NRXN3: variants seen among roughly 807,000 people sequenced by gnomAD.
NRXN3 encodes neurexin III.
In NRXN3, 32 loss-of-function variants were observed where a neutral mutation model predicts 137.6. The observed-to-expected ratio is 0.23, with a 90% CI of 0.18 to 0.31. The LOEUF (loss-of-function observed/expected upper bound fraction) is 0.31, where lower values mean the gene tolerates loss of function less well. Among genes scored for constraint, NRXN3 ranks in the 10% least tolerant of loss-of-function variants. The pLI is 1.00. For synonymous variants in NRXN3, 798 were observed against 784.5 expected, an observed-to-expected ratio of 1.02 and a Z score of -0.29; for missense variants, 1,574 against 2,062.5, an observed-to-expected ratio of 0.76 and a Z score of 4.59.
intron 4 of NRXN3, among the ~76,000 whole-genome samples, chr14:78,622,626 CTCTTAAAGTGTCT>C (rs1566912470): frequency 2.0e-5 from 3 of 151,926 alleles, no homozygotes; most frequent in Admixed American, 6.6e-5. Flanking sequence ...TGAATACTGC[CTCTTAAAGTGTCT>C]TCTTAAAGTG....
chr14:79,580,561 G>A (rs1467141253), intron 16 of NRXN3, among the ~76,000 whole-genome samples: 2 of 152,040 alleles, frequency 1.3e-5, no homozygotes, highest in East Asian at 1.9e-4. Flanking sequence ...TTCCTGCAGA[G>A]CATTCACGGG....
At chr14:78,256,820 G>C (rs999403458) in intron 2 of NRXN3, among the ~76,000 whole-genome samples, 1 of 152,168 alleles carries the variant, frequency 6.6e-6, no homozygotes, top group Non-Finnish European at 1.5e-5. Context: ...TTCTCATGGG[G>C]AATTTGTTCA....
chr14:79,083,230 C>T (rs530809321), intron 15 of NRXN3, among the ~76,000 whole-genome samples: 4 of 152,300 alleles, frequency 2.6e-5, no homozygotes, highest in African/African-American at 9.6e-5. Context: ...CATTGCCAGT[C>T]ACTCTGTCAG....
chr14:79,379,102 A>G (rs997289775), intron 15 of NRXN3, among the ~76,000 whole-genome samples: 13 of 152,012 alleles, frequency 8.6e-5, no homozygotes, highest in Admixed American at 7.9e-4. Context: ...TTAAAAATGT[A>G]CCTCTTTCTT....
chr14:79,849,798 A>T (rs1293036692), intron 20 of NRXN3, among the ~76,000 whole-genome samples: 1 of 152,070 alleles, frequency 6.6e-6, no homozygotes, highest in Middle Eastern at 3.2e-3. Flanking sequence ...AGGTATCTGC[A>T]CTCCATGTTC....
chr14:78,550,591 A>G (rs1307031376), intron 4 of NRXN3, among the ~76,000 whole-genome samples: 2 of 151,972 alleles, frequency 1.3e-5, no homozygotes, highest in African/African-American at 2.4e-5. Flanking sequence ...TTGAGAATGT[A>G]TTTTTGTGTG....
intron 10 of NRXN3, among the ~76,000 whole-genome samples, chr14:78,841,455 G>A (rs2099012293): frequency 6.6e-6 from 1 of 151,980 alleles, no homozygotes; most frequent in Admixed American, 6.6e-5. Context: ...GATGATGAGG[G>A]CTTAGAACAT....
chr14:79,348,898 A>G (rs2093048838), intron 15 of NRXN3, among the ~76,000 whole-genome samples: 1 of 152,192 alleles, frequency 6.6e-6, no homozygotes, highest in African/African-American at 2.4e-5. Flanking sequence ...CTCCTTTATC[A>G]TAGAACCTTA....
rs533207459 is a variant in NRXN3 at position 79,010,596 on chromosome 14, A to G, written c.3262+22455A>G. On this transcript the variant is annotated intron_variant, in intron 15 of 20. Transcript: ENST00000335750. ...TGGATTTTGTTCTGCCTTTATTGAC[A>G]CAGTTAGACATTAAAGAGAATAAGT... Among the ~76,000 whole-genome samples the G allele has an allele frequency of 3.9e-5, 6 of 152,284 alleles. No homozygotes were observed. The East Asian group carries it at 1.2e-3, about 29-fold the overall frequency.
chr14:79,550,136 A>T (rs2097360507), intron 16 of NRXN3, among the ~76,000 whole-genome samples: 1 of 151,616 alleles, frequency 6.6e-6, no homozygotes. Flanking sequence ...CACCAAGCTA[A>T]TTTTTTTATT....
At position 79,606,165 on chromosome 14, in the gene NRXN3, T is replaced by C. The variant is rs2098012421; in HGVS notation, c.3445-57613T>C. On this transcript the variant is annotated intron_variant, in intron 16 of 20. Coordinates refer to ENST00000335750, the MANE Select transcript of NRXN3 (RefSeq NM_001330195.2). The stretch of plus-strand genomic sequence containing the variant: ...CTCCGGATAAATCTTCATGATGAAA[T>C]GTGCAGCCGGTCCACCTCTTCAATC... 3.9e-5 allele frequency among the ~76,000 whole-genome samples: 6 copies of C among 152,318 alleles called. No individual in the cohort carries two copies. In the South Asian group the frequency reaches 1.2e-3, roughly 32 times the overall value.
chr14:78,564,406 G>A (rs578148868), intron 4 of NRXN3, among the ~76,000 whole-genome samples: 1 of 152,232 alleles, frequency 6.6e-6, no homozygotes, highest in South Asian at 2.1e-4. Context: ...GTAGGACTGG[G>A]CTCTGACTGG....
rs568104816 is a variant in NRXN3 at position 79,617,609 on chromosome 14, C to T, written c.3445-46169C>T. ...AACAGAGATCCACATTCTAATCTCA[C>T]GTCTTTCTACTTTGGTTAAAGGCAA... On this transcript the variant is annotated intron_variant, in intron 16 of 20. Transcript: ENST00000335750. Among the ~76,000 whole-genome samples, 105 of 152,218 alleles carry T rather than the reference C, an allele frequency of 6.9e-4. 1 individual carries two copies. In the Middle Eastern group the frequency reaches 0.024, roughly 35 times the overall value.
intron 6 of NRXN3, among the ~76,000 whole-genome samples, chr14:78,691,876 A>G (rs931331581): frequency 6.6e-6 from 1 of 152,096 alleles, no homozygotes; most frequent in African/African-American, 2.4e-5. Flanking sequence ...TCAGGTAGTA[A>G]ACCAAAAATT....
chr14:79,292,893 G>A (rs2083434870), intron 15 of NRXN3, among the ~76,000 whole-genome samples: 1 of 152,230 alleles, frequency 6.6e-6, no homozygotes, highest in African/African-American at 2.4e-5. Context: ...GGAGGTTTCA[G>A]TACCTGCTTC....
chr14:79,210,873 C>T (rs1189790187), intron 15 of NRXN3, among the ~76,000 whole-genome samples: 7 of 152,076 alleles, frequency 4.6e-5, no homozygotes, highest in Non-Finnish European at 8.8e-5. Context: ...GGCTGGTAAT[C>T]CCTATAAAGC....
chr14:78,303,262 G>A (rs189325912), intron 4 of NRXN3, among the ~76,000 whole-genome samples: 1 of 151,530 alleles, frequency 6.6e-6, no homozygotes, highest in Admixed American at 6.6e-5. Context: ...TATTTTCCTT[G>A]AATGCTCCAT....
chr14:78,592,507 G>T (rs2097126011), intron 4 of NRXN3, among the ~76,000 whole-genome samples: 1 of 152,180 alleles, frequency 6.6e-6, no homozygotes. Flanking sequence ...AACAGCCATT[G>T]TGGTTGTAGT....
intron 8 of NRXN3, among the ~76,000 whole-genome samples, chr14:78,749,986 T>A (rs1016171235): frequency 1.1e-4 from 17 of 152,252 alleles, no homozygotes; most frequent in Admixed American, 9.2e-4. Context: ...TTATTTATAG[T>A]TCCTTCAGCC....
Sources: allele counts gnomAD v4.1 joint callset (sites outside exome capture counted in the v4.1 genomes callset), GRCh38; gene constraint gnomAD v4.1.1; transcripts MANE v1.5; gene names NCBI Gene and HGNC (gene_info 2026-07-23, HGNC 2026-07-21).